The following WWP2 variants were observed in gnomAD, a reference collection of about 807,000 sequenced individuals.
WWP2 encodes WW domain containing E3 ubiquitin protein ligase 2.
Under a neutral mutation model 121.0 loss-of-function variants are expected in WWP2, and 57 were observed. The ratio of observed to expected loss-of-function variants is 0.47; its 90% CI spans 0.38 to 0.59. The LOEUF (loss-of-function observed/expected upper bound fraction) is 0.59. WWP2 is among the 20% of genes least tolerant of loss of function. WWP2 has a pLI of 0.00. For missense variants in WWP2, 962 were observed against 1,158.9 expected, an observed-to-expected ratio of 0.83 and a Z score of 2.47; for synonymous variants, 449 against 441.3, an observed-to-expected ratio of 1.02 and a Z score of -0.22.
At position 69,888,261 on chromosome 16, in the gene WWP2, T is replaced by C. The variant is rs377470408; in HGVS notation, c.914+12T>C. ...GCTCTGCCTGCTGGGTGAGTAGTCT[T>C]CTGTCCCATAACAGATCTCTCCTCC... is the stretch of plus-strand genomic sequence containing the variant. On this transcript the variant is annotated intron_variant, in intron 8 of 23. Transcript: ENST00000359154. 2.5e-5 allele frequency: 41 copies of C among 1,613,144 alleles called. No individual in the cohort carries two copies. The highest frequency in any genetic ancestry group is 3.2e-5 in the Non-Finnish European group (38 of 1,179,738).
chr16:69,933,933 C>A, intron 16 of WWP2, 37 bp from the exon 17 acceptor site: 1 of 1,604,924 alleles, frequency 6.2e-7, no homozygotes, highest in Non-Finnish European at 8.5e-7. Context: ...CACGAAGGGA[C>A]CCATTATTCT....
At chr16:69,803,231 G>A (rs1449779261) in intron 4 of WWP2, among the ~76,000 whole-genome samples, 1 of 151,364 alleles carries the variant, frequency 6.6e-6, no homozygotes, top group Non-Finnish European at 1.5e-5. Context: ...TCAATAAGAA[G>A]TATTTTAAAG....
At chr16:69,870,196 A>G (rs1244219273) in intron 6 of WWP2, among the ~76,000 whole-genome samples, 6 of 152,180 alleles carry the variant, frequency 3.9e-5, no homozygotes, top group Non-Finnish European at 5.9e-5. Flanking sequence ...ATGAGAACAT[A>G]TATGTAAATG....
chr16:69,931,701 T>C, intron 15 of WWP2, 101 bp from the exon 16 acceptor site: 3 of 1,568,268 alleles, frequency 1.9e-6, no homozygotes, highest in Non-Finnish European at 2.6e-6. Flanking sequence ...TCTTGGTGAC[T>C]GTGTCTGCTG....
chr16:69,890,251 C>T (rs376173136), intron 8 of WWP2, among the ~76,000 whole-genome samples: 6 of 151,680 alleles, frequency 4.0e-5, no homozygotes, highest in Non-Finnish European at 7.4e-5. Context: ...TTACTACGTA[C>T]GTATTGTTTT....
At chr16:69,873,298 G>C (rs1311850055) in intron 7 of WWP2, among the ~76,000 whole-genome samples, 1 of 152,252 alleles carries the variant, frequency 6.6e-6, no homozygotes, top group Admixed American at 6.5e-5. Context: ...CCCCGTGGCT[G>C]CTGCTGTTGC....
intron 4 of WWP2, among the ~76,000 whole-genome samples, chr16:69,805,498 A>G (rs988398729): frequency 1.3e-5 from 2 of 152,092 alleles, no homozygotes; most frequent in African/African-American, 4.8e-5. Flanking sequence ...AAGGCTGGGT[A>G]TTAGTAACCT....
In WWP2 at chr16:69,871,794, G is replaced by A. The variant is rs1484383486; in HGVS notation, c.576-10G>A. Reference sequence around the variant, plus strand: ...CTTATGTCTGTCTGCTTTCTACTTTGAACCCCCAGGACGCACAGACATTCG... The same window carrying A: ...CTTATGTCTGTCTGCTTTCTACTTTAAACCCCCAGGACGCACAGACATTCG... On this transcript the variant is annotated splice_polypyrimidine_tract_variant and intron_variant, in intron 6 of 23. Coordinates refer to ENST00000359154, the MANE Select transcript of WWP2 (RefSeq NM_001270454.2). 1 of 1,613,844 alleles carries A rather than the reference G, an allele frequency of 6.2e-7. No homozygotes were observed. The highest frequency in any genetic ancestry group is 8.5e-7 in the Non-Finnish European group (1 of 1,179,952).
chr16:69,812,656 T>TGGC (rs2056417515), intron 4 of WWP2, among the ~76,000 whole-genome samples: 1 of 151,976 alleles, frequency 6.6e-6, no homozygotes, highest in Non-Finnish European at 1.5e-5. Flanking sequence ...TAAAAATTAT[T>TGGC]TGGCAGATTC....
chr16:69,892,607 C>T (rs2058047204), intron 8 of WWP2, among the ~76,000 whole-genome samples: 1 of 152,218 alleles, frequency 6.6e-6, no homozygotes, highest in Non-Finnish European at 1.5e-5. Context: ...AATCTTGGCT[C>T]ACTGCAGCCT....
intron 1 of WWP2, among the ~76,000 whole-genome samples, chr16:69,784,091 C>CTTTTTTTTTTT (rs61650147): frequency 3.1e-4 from 19 of 60,842 alleles, no homozygotes; most frequent in African/African-American, 6.1e-4. Flanking sequence ...TTCTTTCTTT[C>CTTTTTTTTTTT]TTTTTTTTTT....
chr16:69,831,343 C>G lies in WWP2; in HGVS notation c.341-8783C>G, dbSNP rs1449721728. ...GACAATAATGAGAAAATACCCCAAACTAGAAAGTTCTTTCGTACATTTGCT... is the reference window on the plus strand; with the variant it reads ...GACAATAATGAGAAAATACCCCAAAGTAGAAAGTTCTTTCGTACATTTGCT... On this transcript the variant is annotated intron_variant, in intron 4 of 23. Transcript: ENST00000359154. Among the ~76,000 whole-genome samples the G allele has an allele frequency of 1.0e-3, 159 of 152,236 alleles. 3 individuals are homozygous for G. The highest frequency in any genetic ancestry group is 8.8e-5 in the Non-Finnish European group (6 of 68,014).
intron 2 of WWP2, among the ~76,000 whole-genome samples, chr16:69,790,162 G>A (rs1169983644): frequency 6.6e-5 from 10 of 152,192 alleles, no homozygotes; most frequent in Non-Finnish European, 1.3e-4. Context: ...CAGGGGAACC[G>A]CCTCAACCCG....
Position 69,819,113 on chromosome 16 carries a change from A to G in WWP2, c.340+19818A>G, listed in dbSNP as rs534325864. On this transcript the variant is annotated intron_variant, in intron 4 of 23. Transcript: ENST00000359154. ...ACCTCCTGTCTGCATTGCCTTTAGGATATATTCTGGGATCCGACCATCTGT... is the reference window on the plus strand; with the variant it reads ...ACCTCCTGTCTGCATTGCCTTTAGGGTATATTCTGGGATCCGACCATCTGT... Among the ~76,000 whole-genome samples the G allele has an allele frequency of 5.5e-4, 83 of 152,162 alleles. 1 individual carries two copies. The South Asian group carries it at 0.017, about 32-fold the overall frequency.
rs963845725 is a variant in WWP2 at position 69,810,457 on chromosome 16, G to A, written c.340+11162G>A. Among the ~76,000 whole-genome samples, 15 of 144,818 alleles carry A rather than the reference G, an allele frequency of 1.0e-4. No individual in the cohort carries two copies. In the Admixed American group the frequency reaches 1.1e-3, roughly 10 times the overall value. ...TTTTTTTTTTTTGAGACGGAGTTTCGCTCTGTCCCCCAGGGACATGAGGGC... is the reference window on the plus strand; with the variant it reads ...TTTTTTTTTTTTGAGACGGAGTTTCACTCTGTCCCCCAGGGACATGAGGGC... On this transcript the variant is annotated intron_variant, in intron 4 of 23. Coordinates refer to ENST00000359154, the MANE Select transcript of WWP2 (RefSeq NM_001270454.2).
intron 7 of WWP2, among the ~76,000 whole-genome samples, chr16:69,883,779 G>T (rs56180453): frequency 0.053 from 8,048 of 152,098 alleles, 273 homozygotes; most frequent in Middle Eastern, 0.11. Flanking sequence ...GGTGAACCAG[G>T]TTGACTCAGA....
chr16:69,776,836 A>T (rs188525090), intron 1 of WWP2, among the ~76,000 whole-genome samples: 118 of 152,050 alleles, frequency 7.8e-4, no homozygotes, highest in South Asian at 2.3e-3. Context: ...CTCGAAAAAA[A>T]AAAAATAAAA....
intron 6 of WWP2, among the ~76,000 whole-genome samples, chr16:69,845,011 G>A (rs2057043916): frequency 6.6e-6 from 1 of 152,202 alleles, no homozygotes; most frequent in Admixed American, 6.5e-5. Flanking sequence ...GTAGGCGGTG[G>A]CCAAGGAGTC....
At chr16:69,798,385 G>A (rs2056090970) in intron 2 of WWP2, among the ~76,000 whole-genome samples, 1 of 151,950 alleles carries the variant, frequency 6.6e-6, no homozygotes, top group East Asian at 1.9e-4. Flanking sequence ...TTAAAGAATT[G>A]AATAAATAAA....
Sources: allele counts gnomAD v4.1 joint callset (sites outside exome capture counted in the v4.1 genomes callset), GRCh38; gene constraint gnomAD v4.1.1; transcripts MANE v1.5; gene names NCBI Gene and HGNC (gene_info 2026-07-23, HGNC 2026-07-21).